CCDC149: variants seen among roughly 807,000 people sequenced by gnomAD.
CCDC149 encodes coiled-coil domain-containing protein 149.
CCDC149 carries 45 observed loss-of-function variants against 59.9 expected under a neutral mutation model. The observed-to-expected ratio is 0.75, with a 90% CI of 0.59 to 0.96. CCDC149 has a LOEUF of 0.96. Among genes scored for constraint, CCDC149 ranks in the 40% least tolerant of loss-of-function variants. The probability of loss-of-function intolerance (pLI) is 0.00; values close to 1 mark genes in which losing one functional copy is unlikely to be tolerated. For synonymous variants in CCDC149, 245 were observed against 260.6 expected (o/e 0.94, Z 0.58); for missense variants, 584 against 664.7 (o/e 0.88, Z 1.33).
At chr4:24,881,780 T>C (rs1233444621) in intron 1 of CCDC149, among the ~76,000 whole-genome samples, 1 of 152,366 alleles carries the variant, frequency 6.6e-6, no homozygotes, top group Admixed American at 6.5e-5. Context: ...TTGTAACACA[T>C]GCTTTACCTG....
chr4:24,913,105 C>T (rs1028746289), upstream of CCDC149, among the ~76,000 whole-genome samples: 1 of 150,454 alleles, frequency 6.6e-6, no homozygotes, highest in African/African-American at 2.4e-5. Context: ...GGGCCGCAGC[C>T]GAGCCCCGCC....
chr4:24,977,525 T>A (rs1724257805), intron 1 of CCDC149, among the ~76,000 whole-genome samples: 1 of 152,166 alleles, frequency 6.6e-6, no homozygotes, highest in Non-Finnish European at 1.5e-5. Flanking sequence ...TAATTAATAT[T>A]ATCTGTGAAT....
chr4:24,887,818 A>T (rs189212440), intron 1 of CCDC149, among the ~76,000 whole-genome samples: 2 of 151,844 alleles, frequency 1.3e-5, no homozygotes, highest in East Asian at 3.9e-4. Flanking sequence ...AAAAAAAAAA[A>T]AATCTCTGAT....
chr4:24,886,076 T>C (rs1317951443), intron 1 of CCDC149, among the ~76,000 whole-genome samples: 1 of 152,224 alleles, frequency 6.6e-6, no homozygotes, highest in Non-Finnish European at 1.5e-5. Flanking sequence ...AAGAGGTAAA[T>C]TTATCCTTCA....
At chr4:24,969,880 AT>A (rs1246604199) in intron 1 of CCDC149, among the ~76,000 whole-genome samples, 1 of 152,152 alleles carries the variant, frequency 6.6e-6, no homozygotes, top group Admixed American at 6.5e-5. Flanking sequence ...TGTGACTTGC[AT>A]TTCACTCCTT....
intron 12 of CCDC149, among the ~76,000 whole-genome samples, chr4:24,816,867 C>T (rs1715045433): frequency 6.6e-6 from 1 of 152,208 alleles, no homozygotes; most frequent in South Asian, 2.1e-4. Context: ...CCGCTCCCCA[C>T]TGCCACTGGC....
intron 1 of CCDC149, among the ~76,000 whole-genome samples, chr4:24,950,977 C>T (rs1723269795): frequency 6.6e-6 from 1 of 152,244 alleles, no homozygotes; most frequent in Non-Finnish European, 1.5e-5. Context: ...ATTCCCTCAA[C>T]ATCATAGCTC....
intron 3 of CCDC149, among the ~76,000 whole-genome samples, chr4:24,862,505 C>T (rs547734510): frequency 6.6e-6 from 1 of 152,188 alleles, no homozygotes; most frequent in Non-Finnish European, 1.5e-5. Flanking sequence ...GTGGTTTGTC[C>T]CCTTCTCTCT....
intron 1 of CCDC149, among the ~76,000 whole-genome samples, chr4:24,935,280 A>C (rs1425638489): frequency 6.6e-6 from 1 of 152,234 alleles, no homozygotes; most frequent in African/African-American, 2.4e-5. Flanking sequence ...CAACCGTGTT[A>C]ATCATGGTAC....
intron 6 of CCDC149, 63 bp from the exon 7 acceptor site, chr4:24,836,571 T>A: frequency 1.7e-6 from 2 of 1,155,946 alleles, no homozygotes; most frequent in Non-Finnish European, 2.6e-6. Context: ...CACACTGAAG[T>A]ATAAGGGGAA....
At chr4:24,906,889 T>C (rs1227840890) in intron 1 of CCDC149, among the ~76,000 whole-genome samples, 1 of 151,944 alleles carries the variant, frequency 6.6e-6, no homozygotes, top group Non-Finnish European at 1.5e-5. Flanking sequence ...TGACCTAGAG[T>C]GACCAAGGGC....
chr4:24,868,652 G>C (rs1173266365), intron 3 of CCDC149, among the ~76,000 whole-genome samples: 2 of 152,328 alleles, frequency 1.3e-5, no homozygotes, highest in East Asian at 3.9e-4. Context: ...CAAGACAAGA[G>C]GTGTCAATGG....
At chr4:24,903,132 A>G (rs1474344968) in intron 1 of CCDC149, among the ~76,000 whole-genome samples, 2 of 149,356 alleles carry the variant, frequency 1.3e-5, no homozygotes, top group African/African-American at 4.9e-5. Context: ...TCCCCCATAT[A>G]TCTCTCCCCC....
intron 1 of CCDC149, among the ~76,000 whole-genome samples, chr4:24,896,652 T>C (rs954484532): frequency 2.6e-5 from 4 of 151,934 alleles, no homozygotes; most frequent in African/African-American, 9.7e-5. Flanking sequence ...AAAATTCCAG[T>C]TTGGAAGGAA....
chr4:24,906,396 TTTTATTTTATTTTAC>T (rs1721528569), intron 1 of CCDC149, among the ~76,000 whole-genome samples: 1 of 41,716 alleles, frequency 2.4e-5, no homozygotes, highest in Non-Finnish European at 7.3e-5. Flanking sequence ...TTTTATTTTA[TTTTATTTTATTTTAC>T]TTTATTTGAG....
At chr4:24,809,014 T>A in intron 12 of CCDC149, among the ~76,000 whole-genome samples, 195 bp from the exon 13 acceptor site, 1 of 152,198 alleles carries the variant, frequency 6.6e-6, no homozygotes, top group East Asian at 1.9e-4. Context: ...GCATGCATTC[T>A]AGTGATTCCT....
intron 1 of CCDC149, among the ~76,000 whole-genome samples, chr4:24,885,512 G>A (rs1474151711): frequency 1.3e-5 from 2 of 152,202 alleles, no homozygotes; most frequent in Non-Finnish European, 2.9e-5. Context: ...GTGCTACCCA[G>A]GCAACCAGAC....
intron 9 of CCDC149, among the ~76,000 whole-genome samples, chr4:24,826,095 A>G (rs1384770634): frequency 6.6e-6 from 1 of 151,220 alleles, no homozygotes; most frequent in African/African-American, 2.4e-5. Context: ...AGCTGGGACT[A>G]CAGGTGTCTG....
At chr4:24,942,520 C>T (rs2109349314) in intron 1 of CCDC149, among the ~76,000 whole-genome samples, 1 of 152,282 alleles carries the variant, frequency 6.6e-6, no homozygotes, top group East Asian at 1.9e-4. Flanking sequence ...CACTCCTATT[C>T]AACATAGTGT....
Sources: gnomAD v4.1 joint callset for allele counts (sites outside exome capture counted in the v4.1 genomes callset) on GRCh38, gnomAD v4.1.1 for gene constraint, MANE v1.5 for transcripts, NCBI Gene and HGNC (gene_info 2026-07-23, HGNC 2026-07-21) for gene names.